VPS41: variants seen among roughly 807,000 people sequenced by gnomAD.
The protein encoded by VPS41 is vacuolar protein sorting-associated protein 41 homolog.
A neutral mutation model predicts 130.9 loss-of-function variants in VPS41; 85 were observed. The ratio of observed to expected loss-of-function variants is 0.65; its 90% confidence interval spans 0.55 to 0.78. The LOEUF (loss-of-function observed/expected upper bound fraction) is 0.78. Ranked by LOEUF, VPS41 falls within the 30% of genes least tolerant of loss-of-function variation. VPS41 has a pLI of 0.00. For synonymous variants in VPS41, 335 were observed against 332.9 expected, an observed-to-expected ratio of 1.01 and a Z score of -0.07; for missense variants, 874 against 1,018.7, an observed-to-expected ratio of 0.86 and a Z score of 1.93.
At chr7:38,817,740 C>T in intron 7 of VPS41, 77 bp downstream of exon 7, 2 of 1,194,574 alleles carry the variant, frequency 1.7e-6, no homozygotes, top group East Asian at 2.3e-5. Flanking sequence ...GACATAAAAA[C>T]ATTAAGGATA....
In VPS41 at chr7:38,797,807, T is replaced by C. The variant is rs1338027465; in HGVS notation, c.451-943A>G. Reference sequence around the variant, plus strand: ...GGGGAAAGAGAGTAAATTCACATTTTATTTGTATTTCCTGTATATCTTTCT... The same window carrying C: ...GGGGAAAGAGAGTAAATTCACATTTCATTTGTATTTCCTGTATATCTTTCT... On this transcript the variant is annotated intron_variant, in intron 7 of 28. Coordinates refer to ENST00000310301, the MANE Select transcript of VPS41 (RefSeq NM_014396.4). Among the ~76,000 whole-genome samples the C allele has an allele frequency of 6.7e-4, 102 of 152,224 alleles. 2 individuals are homozygous for C. The highest frequency in any genetic ancestry group is 6.7e-3 in the Admixed American group (102 of 15,286).
chr7:38,734,284 C>T (rs536892750), intron 25 of VPS41, among the ~76,000 whole-genome samples: 3 of 152,260 alleles, frequency 2.0e-5, no homozygotes, highest in African/African-American at 7.2e-5. Context: ...GGGTCAATTT[C>T]TTCTTACATC....
intron 2 of VPS41, among the ~76,000 whole-genome samples, chr7:38,879,148 G>A (rs898722400): frequency 2.0e-5 from 3 of 152,166 alleles, no homozygotes; most frequent in African/African-American, 7.2e-5. Context: ...ACATGCCCAA[G>A]TAAGAAACTA....
At chr7:38,746,033 T>G in intron 22 of VPS41, 1 of 170,304 alleles carries the variant, frequency 5.9e-6, no homozygotes, top group Non-Finnish European at 1.2e-5. Flanking sequence ...GAACTTTTCC[T>G]AGTATTGTGC....
intron 10 of VPS41, among the ~76,000 whole-genome samples, chr7:38,778,354 C>T (rs1238416662): frequency 2.0e-5 from 3 of 152,156 alleles, no homozygotes; most frequent in Admixed American, 6.5e-5. Context: ...GTGTTTCTAG[C>T]GTAACCAGGC....
chr7:38,756,898 C>G lies in VPS41; in HGVS notation c.1635G>C (p.Lys545Asn). 1 of 1,599,844 alleles carries G rather than the reference C, an allele frequency of 6.3e-7. No individual in the cohort carries two copies. The highest frequency in any genetic ancestry group is 8.6e-7 in the Non-Finnish European group (1 of 1,168,358). ...CCTTGATAGAACTGAAAAGATTATG[C>G]TTGTGGATCAACTGAAAAACGTCTT... ...RHKDVFQLIH[K>N]HNLFSSIKDK... The change falls in exon 19 of 29, where the codon AAG (lysine) becomes AAC (asparagine). Residue 545 changes from lysine (K) to asparagine (N), a missense_variant. Physicochemically the swap from Lys to Asn is moderately conservative, Grantham distance 94. Transcript: ENST00000310301.
chr7:38,877,622 C>T (rs1786519468), intron 2 of VPS41, among the ~76,000 whole-genome samples: 2 of 152,064 alleles, frequency 1.3e-5, no homozygotes, highest in Admixed American at 6.5e-5. Flanking sequence ...TTGCACATTC[C>T]ATAAGCCAAG....
At chr7:38,880,119 C>G (rs74715756) in intron 2 of VPS41, among the ~76,000 whole-genome samples, 1 of 152,060 alleles carries the variant, frequency 6.6e-6, no homozygotes, top group Non-Finnish European at 1.5e-5. Flanking sequence ...AATAAATGTA[C>G]GTAAAGCACA....
chr7:38,733,132 A>AT (rs928448369), intron 25 of VPS41, among the ~76,000 whole-genome samples: 1 of 152,194 alleles, frequency 6.6e-6, no homozygotes, highest in Non-Finnish European at 1.5e-5. Context: ...CCAGCCAGCT[A>AT]TTTTTTAAAA....
intron 7 of VPS41, among the ~76,000 whole-genome samples, chr7:38,812,451 C>G (rs1407196292): frequency 2.6e-5 from 4 of 152,024 alleles, no homozygotes; most frequent in Non-Finnish European, 5.9e-5. Flanking sequence ...AAGAAACAAG[C>G]ATTAATCTTC....
chr7:38,810,603 C>T (rs1784924936), intron 7 of VPS41, among the ~76,000 whole-genome samples: 3 of 152,138 alleles, frequency 2.0e-5, no homozygotes, highest in Admixed American at 2.0e-4. Flanking sequence ...TAGAAGGTGG[C>T]ATATAATTCC....
intron 2 of VPS41, among the ~76,000 whole-genome samples, chr7:38,888,393 C>G (rs1786782302): frequency 6.6e-6 from 1 of 152,116 alleles, no homozygotes; most frequent in African/African-American, 2.4e-5. Flanking sequence ...TCTGATAAAA[C>G]AGACTTTAAA....
At chr7:38,875,013 T>C (rs1786456790) in intron 2 of VPS41, among the ~76,000 whole-genome samples, 1 of 152,138 alleles carries the variant, frequency 6.6e-6, no homozygotes, top group South Asian at 2.1e-4. Context: ...GCTATTACTA[T>C]TAAGAGGAGA....
intron 2 of VPS41, among the ~76,000 whole-genome samples, chr7:38,891,321 C>A (rs2116416098): frequency 6.6e-6 from 1 of 152,212 alleles, no homozygotes; most frequent in South Asian, 2.1e-4. Context: ...AAAATGAAGG[C>A]AGATAATGAT....
At chr7:38,730,318 T>C (rs1206810144) in intron 25 of VPS41, among the ~76,000 whole-genome samples, 1 of 152,226 alleles carries the variant, frequency 6.6e-6, no homozygotes, top group Non-Finnish European at 1.5e-5. Flanking sequence ...CTATCCTCAG[T>C]GGTCCACGTG....
chr7:38,888,672 A>C (rs1584447429), intron 2 of VPS41, among the ~76,000 whole-genome samples: 1 of 152,168 alleles, frequency 6.6e-6, no homozygotes, highest in African/African-American at 2.4e-5. Flanking sequence ...TGGAGCAAGC[A>C]GACCTAATAG....
intron 11 of VPS41, chr7:38,775,352 C>A (rs528056021): frequency 6.6e-6 from 1 of 152,200 alleles, no homozygotes; most frequent in Non-Finnish European, 1.5e-5. Flanking sequence ...CCATTTTCTA[C>A]GTGCTCTATG....
intron 1 of VPS41, among the ~76,000 whole-genome samples, chr7:38,901,559 T>C (rs1468776488): frequency 2.6e-5 from 4 of 152,090 alleles, no homozygotes; most frequent in Admixed American, 6.5e-5. Flanking sequence ...TGGGAACTAA[T>C]AGAAAGAGAA....
chr7:38,750,355 T>C (rs1231770934), intron 22 of VPS41, among the ~76,000 whole-genome samples: 2 of 152,202 alleles, frequency 1.3e-5, no homozygotes, highest in Admixed American at 6.5e-5. Context: ...ACCTGAAACA[T>C]GAAAACCCAT....
Sources: gnomAD v4.1 joint callset for allele counts (sites outside exome capture counted in the v4.1 genomes callset) on GRCh38, gnomAD v4.1.1 for gene constraint, MANE v1.5 for transcripts, NCBI Gene and HGNC (gene_info 2026-07-23, HGNC 2026-07-21) for gene names.